Variants in GTF2I observed in about 807,000 individuals in gnomAD.
GTF2I encodes the protein general transcription factor IIi.
In GTF2I, 12 loss-of-function variants were observed where a neutral mutation model predicts 67.6. That is an observed-to-expected ratio of 0.18 (90% confidence interval 0.11 to 0.29). The LOEUF is 0.29. Ranked by LOEUF, GTF2I falls within the 10% of genes least tolerant of loss-of-function variation. The pLI is 1.00. For missense variants in GTF2I, 271 were observed against 580.1 expected, an observed-to-expected ratio of 0.47 and a Z score of 5.47; for synonymous variants, 149 against 197.0, an observed-to-expected ratio of 0.76 and a Z score of 2.04.
intron 1 of GTF2I, among the ~76,000 whole-genome samples, chr7:74,671,923 A>G (rs4717906): frequency 0.78 from 118,639 of 151,664 alleles, 46,603 homozygotes; most frequent in East Asian, 0.94. Flanking sequence ...GGTTGAGGCT[A>G]CAATGAGCCA....
At chr7:74,678,405 A>G (rs782299606) in intron 1 of GTF2I, among the ~76,000 whole-genome samples, 2 of 152,150 alleles carry the variant, frequency 1.3e-5, no homozygotes, top group Non-Finnish European at 2.9e-5. Flanking sequence ...GTCTGAATGC[A>G]AAACATTGAG....
At chr7:74,670,830 C>T (rs1805388706) in intron 1 of GTF2I, among the ~76,000 whole-genome samples, 2 of 151,586 alleles carry the variant, frequency 1.3e-5, no homozygotes, top group South Asian at 4.1e-4. Flanking sequence ...AATTTGGAGT[C>T]ATGTCAAAGG....
chr7:74,719,807 C>A (rs912968168), intron 12 of GTF2I, among the ~76,000 whole-genome samples: 1 of 152,058 alleles, frequency 6.6e-6, no homozygotes, highest in Admixed American at 6.6e-5. Flanking sequence ...GTAATCCCAG[C>A]CACTTGGGAG....
chr7:74,680,360 A>G (rs1347586479), intron 1 of GTF2I, among the ~76,000 whole-genome samples: 2 of 151,820 alleles, frequency 1.3e-5, no homozygotes, highest in East Asian at 3.9e-4. Flanking sequence ...AGCATCATAA[A>G]AAATATTAAG....
intron 1 of GTF2I, chr7:74,687,578 G>C: frequency 1.0e-6 from 1 of 981,088 alleles, no homozygotes; most frequent in Non-Finnish European, 1.2e-6. Context: ...TTCGTTACTT[G>C]TTGATGGGTA....
chr7:74,700,476 A>G (rs782005201), intron 5 of GTF2I, 46 bp downstream of exon 5: 1 of 1,606,528 alleles, frequency 6.2e-7, no homozygotes, highest in East Asian at 2.2e-5. Context: ...TGATTCGTAT[A>G]AATTTGAATA....
chr7:74,732,932 A>G (rs1318316049), intron 15 of GTF2I, among the ~76,000 whole-genome samples: 2 of 151,338 alleles, frequency 1.3e-5, no homozygotes, highest in African/African-American at 4.9e-5. Context: ...GCTAAAGAAC[A>G]TAGAATCCAC....
intron 1 of GTF2I, among the ~76,000 whole-genome samples, chr7:74,665,025 C>T (rs773748890): frequency 2.6e-5 from 4 of 151,398 alleles, no homozygotes; most frequent in South Asian, 2.1e-4. Context: ...CCGCAATCTC[C>T]GCCTACTGGG....
intron 6 of GTF2I, 152 bp from the exon 7 acceptor site, chr7:74,705,012 T>C (rs1790429046): frequency 1.6e-6 from 1 of 628,008 alleles, no homozygotes; most frequent in Admixed American, 3.1e-5. Flanking sequence ...GAGGTTGTGG[T>C]TGGGTGAAGG....
chr7:74,664,069 T>TC (rs1554387630), intron 1 of GTF2I, among the ~76,000 whole-genome samples: 1 of 152,162 alleles, frequency 6.6e-6, no homozygotes, highest in Non-Finnish European at 1.5e-5. Context: ...CCTCAGGTGA[T>TC]CTGCCCGCCT....
At chr7:74,732,140 T>C (rs1186144584) in intron 14 of GTF2I, among the ~76,000 whole-genome samples, 15 of 139,818 alleles carry the variant, frequency 1.1e-4, no homozygotes, top group Non-Finnish European at 3.0e-5. Context: ...TATACACATA[T>C]ACATATATAT....
intron 1 of GTF2I, among the ~76,000 whole-genome samples, chr7:74,665,470 T>TC (rs1554388189): frequency 6.6e-6 from 1 of 151,892 alleles, no homozygotes; most frequent in Non-Finnish European, 1.5e-5. Flanking sequence ...CAGGCTGGTC[T>TC]CCAACTCTTG....
At position 74,698,991 on chromosome 7, in the gene GTF2I, T is replaced by G; in HGVS notation, c.269T>G (p.Met90Arg). ...GAAGAAGAAGAAAAAGCTGCAGAGA[T>G]GCATAAAATGAAATCTACAACCCAG... ...CVEEEEKAAE[M>R]HKMKSTTQAN... The change falls in exon 4 of 35, where the codon ATG becomes AGG. Residue 90 changes from methionine (M) to arginine (R), a missense_variant. Physicochemically the swap from Met to Arg is moderately conservative, Grantham distance 91 (BLOSUM62 -1). Transcript: ENST00000573035. The G allele has an allele frequency of 6.7e-7, 1 of 1,483,734 alleles. No homozygotes were observed. The highest frequency in any genetic ancestry group is 1.5e-5 in the South Asian group (1 of 68,502). The allele number at this position is 1,483,734 out of a possible 1,614,324, so 91.9% of individuals were successfully genotyped here. A position where few individuals can be genotyped will look rare whatever the true frequency, so the allele number is the denominator to read the frequency against.
At chr7:74,666,247 A>G (rs999670898) in intron 1 of GTF2I, among the ~76,000 whole-genome samples, 4 of 152,244 alleles carry the variant, frequency 2.6e-5, no homozygotes, top group African/African-American at 9.6e-5. Flanking sequence ...TGACTATAAC[A>G]CATACATGAC....
At chr7:74,720,982 AC>A (rs1210287892) in intron 12 of GTF2I, among the ~76,000 whole-genome samples, 1 of 151,722 alleles carries the variant, frequency 6.6e-6, no homozygotes, top group African/African-American at 2.4e-5. Context: ...AGCCTTTTGA[AC>A]TTTAACTGTT....
intron 2 of GTF2I, 80 bp from the exon 3 acceptor site, chr7:74,690,892 GT>G (rs1554396841): frequency 8.3e-7 from 1 of 1,199,052 alleles, no homozygotes; most frequent in African/African-American, 1.5e-5. Flanking sequence ...AAAAAATGTT[GT>G]TAGTTTTTTT....
Position 74,657,728 on chromosome 7 carries a change from C to CT in GTF2I, c.-345dup, listed in dbSNP as rs1296575506. Reference sequence around the variant, plus strand: ...GAGGAGGAGGAGGGTGAGAGAGAAGCTGGGAGAGCAGAGAAAAGGGGCCAC... The same window carrying CT: ...GAGGAGGAGGAGGGTGAGAGAGAAGCTTGGGAGAGCAGAGAAAAGGGGCCAC... On this transcript the variant is annotated 5_prime_UTR_variant, in exon 1 of 35. Coordinates refer to ENST00000573035, the MANE Select transcript of GTF2I (RefSeq NM_032999.4). 1 of 146,346 alleles carries CT rather than the reference C, an allele frequency of 6.8e-6. No individual in the cohort carries two copies. The highest frequency in any genetic ancestry group is 2.5e-5 in the African/African-American group (1 of 40,120). The allele number at this position is 146,346 out of a possible 1,614,324, so 9.1% of individuals were successfully genotyped here. A position where few individuals can be genotyped will look rare whatever the true frequency, so the allele number is the denominator to read the frequency against.
chr7:74,721,852 A>G (rs1397353523), intron 12 of GTF2I, among the ~76,000 whole-genome samples: 2 of 152,062 alleles, frequency 1.3e-5, no homozygotes, highest in African/African-American at 2.4e-5. Context: ...TAAAATGTTC[A>G]GTGGAAAAAA....
chr7:74,673,883 G>A (rs1464121417), intron 1 of GTF2I, among the ~76,000 whole-genome samples: 8 of 150,824 alleles, frequency 5.3e-5, no homozygotes, highest in Non-Finnish European at 2.9e-5. Context: ...GTTTCACCGA[G>A]TTGGCCAGGA....
Sources: gnomAD v4.1 joint callset for allele counts (sites outside exome capture counted in the v4.1 genomes callset) on GRCh38, gnomAD v4.1.1 for gene constraint, MANE v1.5 for transcripts, NCBI Gene and HGNC (gene_info 2026-07-23, HGNC 2026-07-21) for gene names.